WTIP: variants seen among roughly 807,000 people sequenced by gnomAD.
The protein encoded by WTIP is Wilms tumor protein 1-interacting protein.
A neutral mutation model predicts 41.7 loss-of-function variants in WTIP; 23 were observed. That is an observed-to-expected ratio of 0.55 (90% confidence interval 0.40 to 0.78). The LOEUF is 0.78. WTIP is among the 30% of genes least tolerant of loss of function. WTIP has a pLI of 0.00. For missense variants in WTIP, 619 were observed against 610.5 expected (o/e 1.01, Z -0.15); for synonymous variants, 314 against 269.9 (o/e 1.16, Z -1.60).
At position 34,493,590 on chromosome 19, in the gene WTIP, GA is replaced by G; in HGVS notation, c.1001del (p.Asn334ThrfsTer57). ...GGGTTCCCTTCACCGTGGACGTGGAGAACAACATCTACTGCGTGCGAGACTA... is the reference window on the plus strand; with the variant it reads ...GGGTTCCCTTCACCGTGGACGTGGAGACAACATCTACTGCGTGCGAGACTA... The part of the protein sequence containing the change: ...DGVPFTVDVE[N>X]NIYCVRDYHT... On this transcript the variant is annotated frameshift_variant, in exon 5 of 8. Coordinates refer to ENST00000590071, the MANE Select transcript of WTIP (RefSeq NM_001080436.2). LOFTEE classifies it high-confidence loss of function. This position sits in a 1 kb window ranked among gnomAD's most constrained non-coding sequence, Gnocchi z 4.1. 6.2e-7 allele frequency: 1 copy of G among 1,613,668 alleles called. No individual in the cohort carries two copies. Among genetic ancestry groups the G allele is most frequent in the Non-Finnish European group, 8.5e-7 (1 of 1,179,902 alleles).
intron 7 of WTIP, 138 bp from the exon 8 acceptor site, chr19:34,499,991 G>A: frequency 7.8e-7 from 1 of 1,288,044 alleles, no homozygotes. Flanking sequence ...GTGAGCCCCT[G>A]CGCCCGGCGG....
At chr19:34,494,001 T>G (rs906321747) in intron 5 of WTIP, among the ~76,000 whole-genome samples, 1 of 152,136 alleles carries the variant, frequency 6.6e-6, no homozygotes, top group African/African-American at 2.4e-5. Flanking sequence ...GCCTGTCTGA[T>G]CCCTGATCTG....
In WTIP at chr19:34,502,970, TCTC is replaced by T. The variant is rs1437196763; in HGVS notation, c.*2706_*2708del. On this transcript the variant is annotated 3_prime_UTR_variant, in exon 8 of 8. Coordinates refer to ENST00000590071, the MANE Select transcript of WTIP (RefSeq NM_001080436.2). ...TTCTCCTTGTTGCCAACCCGGTCCT[TCTC>T]CTCCCCTTCCTTTGCATGTGCCATG... The T allele has an allele frequency of 2.0e-5, 3 of 152,546 alleles. No individual in the cohort carries two copies. The highest frequency in any genetic ancestry group is 4.8e-5 in the African/African-American group (2 of 41,432). The allele number at this position is 152,546 out of a possible 1,614,324, so 9.4% of individuals were successfully genotyped here.
At position 34,500,339 on chromosome 19, in the gene WTIP, G is replaced by C; in HGVS notation, c.*70G>C. On this transcript the variant is annotated 3_prime_UTR_variant, in exon 8 of 8. Coordinates refer to ENST00000590071, the MANE Select transcript of WTIP (RefSeq NM_001080436.2). ...AGGGAGGGCCCGCGTGGGTGGCCCT[G>C]GTCAGCGTCAGGGGAGCTCCCTCCA... is the stretch of plus-strand genomic sequence containing the variant. 6.8e-7 allele frequency: 1 copy of C among 1,461,712 alleles called. No homozygotes were observed. Among genetic ancestry groups the C allele is most frequent in the Non-Finnish European group, 9.1e-7 (1 of 1,100,992 alleles). The allele number at this position is 1,461,712 out of a possible 1,614,324, so 90.5% of individuals were successfully genotyped here. A position where few individuals can be genotyped will look rare whatever the true frequency, so the allele number is the denominator to read the frequency against.
chr19:34,485,009 A>G (rs2075790448), intron 1 of WTIP, among the ~76,000 whole-genome samples: 1 of 150,840 alleles, frequency 6.6e-6, no homozygotes, highest in Non-Finnish European at 1.5e-5. Flanking sequence ...GAGTGATGAT[A>G]GACCTTTTTT....
intron 2 of WTIP, among the ~76,000 whole-genome samples, chr19:34,490,867 G>C (rs767097611): frequency 6.6e-6 from 1 of 152,272 alleles, no homozygotes; most frequent in East Asian, 1.9e-4. Context: ...TGTTGCCCAC[G>C]CTGGAGTGCA....
In WTIP at chr19:34,482,533, C is replaced by G. The variant is rs929454921; in HGVS notation, c.559C>G (p.Leu187Val). The change falls in exon 1 of 8, where the codon CTG (leucine) becomes GTG (valine). Residue 187 changes from leucine (L) to valine (V), a missense_variant. Transcript: ENST00000590071. ...PAPFPLPALP[L>V]PPGREGGPSA... Reference sequence around the variant, plus strand: ...TCCCTTCCCGCTGCCTGCACTCCCGCTGCCCCCTGGCCGGGAGGGCGGCCC... The same window carrying G: ...TCCCTTCCCGCTGCCTGCACTCCCGGTGCCCCCTGGCCGGGAGGGCGGCCC... 15 of 1,229,132 alleles carry G rather than the reference C, an allele frequency of 1.2e-5. No individual in the cohort carries two copies. The highest frequency in any genetic ancestry group is 1.5e-5 in the Non-Finnish European group (15 of 987,376). The allele number at this position is 1,229,132 out of a possible 1,614,324, so 76.1% of individuals were successfully genotyped here.
chr19:34,505,568 C>G lies in WTIP; in HGVS notation c.*5299C>G, dbSNP rs1009934392. 1.3e-5 allele frequency: 2 copies of G among 152,624 alleles called. No homozygotes were observed. The highest frequency in any genetic ancestry group is 2.9e-5 in the Non-Finnish European group (2 of 68,350). The allele number at this position is 152,624 out of a possible 1,614,324, so 9.5% of individuals were successfully genotyped here. ...CTGTGCCTCCCCCCACCTGCCACGCCCATTGTCCTACACCCAGCGCACACT... is the reference window on the plus strand; with the variant it reads ...CTGTGCCTCCCCCCACCTGCCACGCGCATTGTCCTACACCCAGCGCACACT... On this transcript the variant is annotated 3_prime_UTR_variant, in exon 8 of 8. Transcript: ENST00000590071.
At position 34,494,650 on chromosome 19, in the gene WTIP, C is replaced by T; in HGVS notation, c.1083+13C>T. ...CCTCCCTGCACAGGTAGGAGCCACT[C>T]ACCCAGAGATGATCAGGTGCCTGGC... On this transcript the variant is annotated intron_variant, in intron 6 of 7. Transcript: ENST00000590071. 6.2e-7 allele frequency: 1 copy of T among 1,612,392 alleles called. No homozygotes were observed. The highest frequency in any genetic ancestry group is 8.5e-7 in the Non-Finnish European group (1 of 1,179,308).
rs140067289 is a variant in WTIP, at chr19:34,484,378, G to C, written c.667+1737G>C. Among the ~76,000 whole-genome samples the C allele has an allele frequency of 4.6e-5, 7 of 152,244 alleles. No homozygotes were observed. The East Asian group carries it at 9.7e-4, about 21-fold the overall frequency. ...TGCAGCCCAGAGGGCTCAGGTGGTC[G>C]AGGGCATATGTGGGCTAAGAGGAGG... On this transcript the variant is annotated intron_variant, in intron 1 of 7. Coordinates refer to ENST00000590071, the MANE Select transcript of WTIP (RefSeq NM_001080436.2).
In WTIP at chr19:34,487,010, G is replaced by C. The variant is rs144795943; in HGVS notation, c.668-3366G>C. On this transcript the variant is annotated intron_variant, in intron 1 of 7. Coordinates refer to ENST00000590071, the MANE Select transcript of WTIP (RefSeq NM_001080436.2). ...AGTGGTGCGATCACAGCTCACTGCA[G>C]CCTGAACTCCTGGCCTCAAGTGATC... Among the ~76,000 whole-genome samples, 781 of 149,722 alleles carry C rather than the reference G, an allele frequency of 5.2e-3. 5 individuals carry two copies. The highest frequency in any genetic ancestry group is 0.018 in the African/African-American group (734 of 40,534).
In WTIP at chr19:34,500,467, C is replaced by T; in HGVS notation, c.*198C>T. The stretch of plus-strand genomic sequence containing the variant: ...TGCTCAAGTCACTTCCCTGCGGGCC[C>T]TGCCTCCCACCCACCCCATCACCAG... On this transcript the variant is annotated 3_prime_UTR_variant, in exon 8 of 8. Transcript: ENST00000590071. 1 of 722,490 alleles carries T rather than the reference C, an allele frequency of 1.4e-6. No homozygotes were observed. Among genetic ancestry groups the T allele is most frequent in the East Asian group, 2.9e-5 (1 of 34,230 alleles). 44.8% of individuals were successfully genotyped at this position (722,490 alleles called of 1,614,324 possible). A position where few individuals can be genotyped will look rare whatever the true frequency, so the allele number is the denominator to read the frequency against.
In WTIP at chr19:34,482,133, G is replaced by A; in HGVS notation, c.159G>A (p.Gly53=). 1 of 1,056,496 alleles carries A rather than the reference G, an allele frequency of 9.5e-7. No individual in the cohort carries two copies. Among genetic ancestry groups the A allele is most frequent in the Non-Finnish European group, 1.1e-6 (1 of 877,704 alleles). The allele number at this position is 1,056,496 out of a possible 1,614,324, so 65.4% of individuals were successfully genotyped here. ...CGGCGCCCGCGCTGGGCCGCAGAGG[G>A]AAGGGCAGCGGCGGCCCCGAGGCCG... ...DEAAPALGRR[G]KGSGGPEAGA... The change falls in exon 1 of 8, where the codon GGG becomes GGA. Residue 53 remains glycine, a synonymous_variant. Coordinates refer to ENST00000590071, the MANE Select transcript of WTIP (RefSeq NM_001080436.2).
chr19:34,507,071 A>G lies in WTIP; in HGVS notation c.*6802A>G, dbSNP rs2075914851. 1 of 151,554 alleles carries G rather than the reference A, an allele frequency of 6.6e-6. No homozygotes were observed. The highest frequency in any genetic ancestry group is 1.5e-5 in the Non-Finnish European group (1 of 67,934). The allele number at this position is 151,554 out of a possible 1,614,324, so 9.4% of individuals were successfully genotyped here. A position where few individuals can be genotyped will look rare whatever the true frequency, so the allele number is the denominator to read the frequency against. ...ACCCTGTCTCTACTAAAAATACAAA[A>G]TTTTTAGCCGGGCATGGTGGCGCAT... is the stretch of plus-strand genomic sequence containing the variant. On this transcript the variant is annotated 3_prime_UTR_variant, in exon 8 of 8. Transcript: ENST00000590071.
In WTIP at chr19:34,501,959, C is replaced by CT. The variant is rs562675000; in HGVS notation, c.*1703dup. ...GCTGAGCTGCTTTTTCTTTTCTTTTCTTTTTTTTTTTTTGAGACGGAGTGT... is the reference window on the plus strand; with the variant it reads ...GCTGAGCTGCTTTTTCTTTTCTTTTCTTTTTTTTTTTTTTGAGACGGAGTGT... On this transcript the variant is annotated 3_prime_UTR_variant, in exon 8 of 8. Transcript: ENST00000590071. 2.9e-3 allele frequency: 333 copies of CT among 115,622 alleles called. No homozygotes were observed. The highest frequency in any genetic ancestry group is 0.011 in the East Asian group (30 of 2,738). The allele number at this position is 115,622 out of a possible 1,614,324, so 7.2% of individuals were successfully genotyped here. A position where few individuals can be genotyped will look rare whatever the true frequency, so the allele number is the denominator to read the frequency against.
At chr19:34,486,641 C>G (rs1239299178) in intron 1 of WTIP, among the ~76,000 whole-genome samples, 1 of 152,192 alleles carries the variant, frequency 6.6e-6, no homozygotes, top group Non-Finnish European at 1.5e-5. Flanking sequence ...GCTGGGATTA[C>G]AGGCGTGAGC....
At chr19:34,489,632 A>G in intron 1 of WTIP, among the ~76,000 whole-genome samples, 1 of 108,210 alleles carries the variant, frequency 9.2e-6, no homozygotes, top group South Asian at 2.5e-4. Flanking sequence ...GCTTAAAGCA[A>G]CTGTCTTGGT....
At position 34,504,883 on chromosome 19, in the gene WTIP, C is replaced by T. The variant is rs989001755; in HGVS notation, c.*4614C>T. ...GCCAGCAAGGACTTCCGGTGCCACA[C>T]TCGGGAGGGGTGAGGGCTTTGCTGG... On this transcript the variant is annotated 3_prime_UTR_variant, in exon 8 of 8. Coordinates refer to ENST00000590071, the MANE Select transcript of WTIP (RefSeq NM_001080436.2). 1 of 152,382 alleles carries T rather than the reference C, an allele frequency of 6.6e-6. No homozygotes were observed. The highest frequency in any genetic ancestry group is 2.4e-5 in the African/African-American group (1 of 41,434). 9.4% of individuals were successfully genotyped at this position (152,382 alleles called of 1,614,324 possible). A position where few individuals can be genotyped will look rare whatever the true frequency, so the allele number is the denominator to read the frequency against.
intron 7 of WTIP, among the ~76,000 whole-genome samples, chr19:34,498,906 CAAAA>C (rs1274250301): frequency 6.7e-6 from 1 of 148,348 alleles, no homozygotes; most frequent in Non-Finnish European, 1.5e-5. Flanking sequence ...AAAACAAAAA[CAAAA>C]AACCCCATCA....
Sources: allele counts gnomAD v4.1 joint callset (sites outside exome capture counted in the v4.1 genomes callset), GRCh38; gene constraint gnomAD v4.1.1; non-coding constraint Gnocchi (gnomAD v3.1); transcripts MANE v1.5; gene names NCBI Gene and HGNC (gene_info 2026-07-23, HGNC 2026-07-21).